The following CXADR variants were observed in gnomAD, a reference collection of about 807,000 sequenced individuals.
CXADR encodes the protein CXADR cell adhesion molecule.
A neutral mutation model predicts 40.3 loss-of-function variants in CXADR; 20 were observed. The observed-to-expected ratio is 0.50, with a 90% CI of 0.35 to 0.72. The LOEUF is 0.72. Ranked by LOEUF, CXADR falls within the 30% of genes least tolerant of loss-of-function variation. The pLI is 0.01. For synonymous variants in CXADR, 150 were observed against 161.3 expected (o/e 0.93, Z 0.53); for missense variants, 332 against 449.1 (o/e 0.74, Z 2.36).
intron 7 of CXADR, among the ~76,000 whole-genome samples, chr21:17,582,140 TC>T (rs11321417): frequency 1 from 151,916 of 151,922 alleles, 75,955 homozygotes; most frequent in Non-Finnish European, 1. Flanking sequence ...AATCTAGGTC[TC>T]CCTGAATTCC....
the CXADR span, among the ~76,000 whole-genome samples, chr21:17,620,889 G>A: frequency 2.0e-5 from 3 of 152,154 alleles, no homozygotes; most frequent in East Asian, 1.9e-4. Flanking sequence ...TAGCAAGTTC[G>A]AAATCTACAG....
downstream of CXADR, among the ~76,000 whole-genome samples, chr21:17,595,105 C>A (rs796313279): frequency 7.2e-5 from 11 of 151,970 alleles, no homozygotes; most frequent in African/African-American, 2.7e-4. Flanking sequence ...TGACAAAGCT[C>A]CCCAGGTGAT....
chr21:17,592,717 T>A (rs2061450393), intron 7 of CXADR, among the ~76,000 whole-genome samples: 1 of 151,780 alleles, frequency 6.6e-6, no homozygotes, highest in Non-Finnish European at 1.5e-5. Context: ...ACAAACATGC[T>A]CATGTTTGAA....
chr21:17,521,623 A>G (rs2060531882), intron 1 of CXADR, among the ~76,000 whole-genome samples: 1 of 152,182 alleles, frequency 6.6e-6, no homozygotes, highest in South Asian at 2.1e-4. Context: ...GCACCTGGCC[A>G]GGCTCCAAAT....
chr21:17,563,762 A>G (rs1404762095), intron 6 of CXADR, among the ~76,000 whole-genome samples: 1 of 151,502 alleles, frequency 6.6e-6, no homozygotes, highest in East Asian at 1.9e-4. Context: ...TAACACGGTG[A>G]AACCCCGTCT....
the CXADR span, among the ~76,000 whole-genome samples, chr21:17,606,063 C>T: frequency 6.3e-3 from 960 of 152,248 alleles, 54 homozygotes; most frequent in East Asian, 0.13. Flanking sequence ...AAGTTCTCAA[C>T]AGGTAATAGG....
downstream of CXADR, among the ~76,000 whole-genome samples, chr21:17,597,462 T>A (rs2061518722): frequency 6.6e-6 from 1 of 151,944 alleles, no homozygotes; most frequent in Non-Finnish European, 1.5e-5. Flanking sequence ...GTTTACTTAT[T>A]TATATAGGGA....
chr21:17,565,366 G>C (rs1386832702), intron 6 of CXADR, 62 bp from the exon 7 acceptor site: 4 of 1,532,024 alleles, frequency 2.6e-6, no homozygotes, highest in Middle Eastern at 1.7e-4. Flanking sequence ...TTCATAGCTT[G>C]CATAATTGTA....
intron 7 of CXADR, among the ~76,000 whole-genome samples, chr21:17,585,547 CT>C (rs377707280): frequency 6.6e-6 from 1 of 152,006 alleles, no homozygotes; most frequent in African/African-American, 2.4e-5. Flanking sequence ...GAGACCGAGT[CT>C]CGCTCTGTCG....
At chr21:17,570,752 G>A (rs781660803), downstream of CXADR, among the ~76,000 whole-genome samples, 9 of 152,110 alleles carry the variant, frequency 5.9e-5, no homozygotes, top group Non-Finnish European at 1.3e-4. Context: ...ACAGATATTC[G>A]AACCAAAGTA....
intron 1 of CXADR, among the ~76,000 whole-genome samples, chr21:17,520,524 C>G (rs2060517719): frequency 6.6e-6 from 1 of 152,148 alleles, no homozygotes; most frequent in South Asian, 2.1e-4. Flanking sequence ...ACAGGTCTGT[C>G]AGGTTATGCA....
intron 7 of CXADR, among the ~76,000 whole-genome samples, chr21:17,589,485 A>G (rs1601067043): frequency 6.6e-6 from 1 of 152,078 alleles, no homozygotes; most frequent in Admixed American, 6.6e-5. Context: ...GAAAAATAAT[A>G]TTCTCTGTAT....
At chr21:17,539,212 A>T (rs1481004666) in intron 1 of CXADR, among the ~76,000 whole-genome samples, 3 of 152,206 alleles carry the variant, frequency 2.0e-5, no homozygotes, top group Admixed American at 2.0e-4. Context: ...AAACAGTTTG[A>T]TCAAACATCA....
chr21:17,597,377 A>C (rs972463809), downstream of CXADR, among the ~76,000 whole-genome samples: 3 of 152,034 alleles, frequency 2.0e-5, no homozygotes, highest in East Asian at 5.8e-4. Context: ...TATATAATCC[A>C]TCACACAGAG....
intron 6 of CXADR, among the ~76,000 whole-genome samples, chr21:17,562,549 TG>T (rs753683694): frequency 6.6e-6 from 1 of 152,254 alleles, no homozygotes; most frequent in Non-Finnish European, 1.5e-5. Flanking sequence ...CTCGAACTCC[TG>T]GGCTGCATTG....
chr21:17,530,205 A>G lies in CXADR; in HGVS notation c.44-16822A>G, dbSNP rs117265201. On this transcript the variant is annotated intron_variant, in intron 1 of 6. Transcript: ENST00000284878. ...TCCAACTCTTGACCTCAAGTGATCA[A>G]TCACCCACCTCGGCCTCCCAAAGTG... Among the ~76,000 whole-genome samples, 265 of 146,156 alleles carry G rather than the reference A, an allele frequency of 1.8e-3. 5 individuals carry two copies. The East Asian group carries it at 0.045, about 25-fold the overall frequency.
downstream of CXADR, among the ~76,000 whole-genome samples, chr21:17,595,891 T>C (rs2061498225): frequency 6.6e-6 from 1 of 152,060 alleles, no homozygotes; most frequent in African/African-American, 2.4e-5. Flanking sequence ...CTATTTTACA[T>C]GACTAGCAAG....
chr21:17,628,508 T>TC, the CXADR span, among the ~76,000 whole-genome samples: 1 of 149,362 alleles, frequency 6.7e-6, no homozygotes, highest in African/African-American at 2.4e-5. Flanking sequence ...TCCCAGTTCT[T>TC]TTTTTTTTTT....
intron 6 of CXADR, among the ~76,000 whole-genome samples, chr21:17,562,310 T>G (rs1432790308): frequency 6.7e-6 from 1 of 148,436 alleles, no homozygotes; most frequent in Non-Finnish European, 1.5e-5. Context: ...CTTTCTTTGG[T>G]TGTTGGGTTT....
Sources: allele counts gnomAD v4.1 joint callset (sites outside exome capture counted in the v4.1 genomes callset), GRCh38; gene constraint gnomAD v4.1.1; transcripts MANE v1.5; gene names NCBI Gene and HGNC (gene_info 2026-07-23, HGNC 2026-07-21).